MN1: variants seen among roughly 807,000 people sequenced by gnomAD.
MN1 encodes MN1 proto-oncogene, transcriptional regulator.
Under a neutral mutation model 86.9 loss-of-function variants are expected in MN1, and 19 were observed. The observed-to-expected ratio is 0.22, with a 90% CI of 0.15 to 0.32. MN1 has a LOEUF of 0.32. MN1 is among the 10% of genes least tolerant of loss of function. The probability of loss-of-function intolerance (pLI) is 1.00; values close to 1 mark genes in which losing one functional copy is unlikely to be tolerated. For synonymous variants in MN1, 928 were observed against 849.6 expected (o/e 1.09, Z -1.60); for missense variants, 1,841 against 1,862.0 (o/e 0.99, Z 0.21).
At chr22:27,770,765 C>A (rs1348295486) in intron 1 of MN1, among the ~76,000 whole-genome samples, 2 of 150,406 alleles carry the variant, frequency 1.3e-5, no homozygotes, top group East Asian at 4.0e-4. Context: ...CCCAAGCAAT[C>A]CCCCACCTCA....
chr22:27,754,228 G>A (rs1035639597), intron 1 of MN1, among the ~76,000 whole-genome samples: 2 of 152,174 alleles, frequency 1.3e-5, no homozygotes, highest in South Asian at 4.1e-4. Flanking sequence ...TTCGAAAGAC[G>A]CTTTCATCCC....
At chr22:27,796,294 A>G (rs1191621209) in intron 1 of MN1, among the ~76,000 whole-genome samples, 2 of 152,144 alleles carry the variant, frequency 1.3e-5, no homozygotes, top group African/African-American at 2.4e-5. Context: ...AACTAGCGCT[A>G]GAGGCTGACT....
chr22:27,800,899 A>G lies in MN1; in HGVS notation c.-356T>C. ...GGAGACAAAAAGTTAAGTGGGGGGA[A>G]TGGGGAGGGAAGGGGGTTGGGAGAG... On this transcript the variant is annotated 5_prime_UTR_variant, in exon 1 of 2. Coordinates refer to ENST00000302326, the MANE Select transcript of MN1 (RefSeq NM_002430.3). 4 of 330,528 alleles carry G rather than the reference A, an allele frequency of 1.2e-5. No individual in the cohort carries two copies. Among genetic ancestry groups the G allele is most frequent in the Admixed American group, 4.7e-5 (1 of 21,486 alleles). 20.5% of individuals were successfully genotyped at this position (330,528 alleles called of 1,614,324 possible). A position where few individuals can be genotyped will look rare whatever the true frequency, so the allele number is the denominator to read the frequency against.
Position 27,800,847 on chromosome 22 carries a change from G to T in MN1, c.-304C>A, listed in dbSNP as rs1933424551. 2.0e-6 allele frequency: 1 copy of T among 503,406 alleles called. No homozygotes were observed. The highest frequency in any genetic ancestry group is 2.0e-5 in the African/African-American group (1 of 51,096). 31.2% of individuals were successfully genotyped at this position (503,406 alleles called of 1,614,324 possible). ...TTGTCACAGCCGCGGGTGGGTCTGC[G>T]GGGAGGGGACGAAGCCGCGGATGAA... On this transcript the variant is annotated 5_prime_UTR_variant, in exon 1 of 2. Coordinates refer to ENST00000302326, the MANE Select transcript of MN1 (RefSeq NM_002430.3).
At position 27,780,842 on chromosome 22, in the gene MN1, G is replaced by A. The variant is rs138487164; in HGVS notation, c.3781+15921C>T. Among the ~76,000 whole-genome samples the A allele has an allele frequency of 5.8e-4, 88 of 152,304 alleles. No homozygotes were observed. The East Asian group carries it at 8.3e-3, about 14-fold the overall frequency. On this transcript the variant is annotated intron_variant, in intron 1 of 1. Transcript: ENST00000302326. ...GCATCCCACCACTTAGAACAGCATC[G>A]CCATGTGGTTAAGTGCTTGGGAGTG...
intron 1 of MN1, among the ~76,000 whole-genome samples, chr22:27,762,192 C>T (rs2146297005): frequency 6.6e-6 from 1 of 152,336 alleles, no homozygotes; most frequent in African/African-American, 2.4e-5. Context: ...TAAGATGTGA[C>T]AGGCCCCGGG....
At chr22:27,756,110 G>C (rs1038755269) in intron 1 of MN1, among the ~76,000 whole-genome samples, 3 of 152,214 alleles carry the variant, frequency 2.0e-5, no homozygotes, top group Admixed American at 1.3e-4. Context: ...GGTGACAGTG[G>C]GGACCTGCAG....
At chr22:27,796,171 G>C (rs1251753938) in intron 1 of MN1, among the ~76,000 whole-genome samples, 2 of 152,166 alleles carry the variant, frequency 1.3e-5, no homozygotes, top group Non-Finnish European at 2.9e-5. Flanking sequence ...GTTAAGAAGA[G>C]ACAAAATAGC....
chr22:27,779,075 G>A (rs1396254641), intron 1 of MN1, among the ~76,000 whole-genome samples: 1 of 152,158 alleles, frequency 6.6e-6, no homozygotes, highest in Admixed American at 6.5e-5. Flanking sequence ...CGGTCCCTCT[G>A]CAGGAAATCC....
At chr22:27,778,181 C>T (rs919552702) in intron 1 of MN1, among the ~76,000 whole-genome samples, 10 of 152,196 alleles carry the variant, frequency 6.6e-5, no homozygotes, top group African/African-American at 2.4e-4. Flanking sequence ...CCTACACAAA[C>T]AGGGAATCTA....
intron 1 of MN1, among the ~76,000 whole-genome samples, chr22:27,785,056 CCACACACACA>C (rs57257445): frequency 5.2e-4 from 75 of 144,914 alleles, no homozygotes; most frequent in Non-Finnish European, 8.1e-4. Flanking sequence ...CTGGCATCCG[CCACACACACA>C]CACACACACA....
At position 27,798,368 on chromosome 22, in the gene MN1, A is replaced by C. The variant is rs1326310235; in HGVS notation, c.2176T>G (p.Ser726Ala). 13 of 1,501,700 alleles carry C rather than the reference A, an allele frequency of 8.7e-6. No individual in the cohort carries two copies. Among genetic ancestry groups the C allele is most frequent in the Non-Finnish European group, 1.1e-5 (12 of 1,135,044 alleles). The allele number at this position is 1,501,700 out of a possible 1,614,324, so 93.0% of individuals were successfully genotyped here. A position where few individuals can be genotyped will look rare whatever the true frequency, so the allele number is the denominator to read the frequency against. Reference sequence around the variant, plus strand: ...TCCGGCGGCGGGGGCCGGCGCTCCGAAGCAGCGCTGGGGAGCCCCACGCCC... The same window carrying C: ...TCCGGCGGCGGGGGCCGGCGCTCCGCAGCAGCGCTGGGGAGCCCCACGCCC... The part of the protein sequence containing the change: ...GAGVGLPSAA[S>A]ERRPPPPDFA... The change falls in exon 1 of 2, where the codon TCG (serine) becomes GCG (alanine). Residue 726 changes from serine (S) to alanine (A), a missense_variant. By Grantham distance (99) the Ser-to-Ala change is moderately conservative. Transcript: ENST00000302326.
Position 27,748,375 on chromosome 22 carries a change from T to A in MN1, c.*2540A>T, listed in dbSNP as rs1041392772. The A allele has an allele frequency of 5.5e-6, 1 of 180,654 alleles. No homozygotes were observed. Among genetic ancestry groups the A allele is most frequent in the African/African-American group, 2.4e-5 (1 of 42,146 alleles). 11.2% of individuals were successfully genotyped at this position (180,654 alleles called of 1,614,324 possible). On this transcript the variant is annotated 3_prime_UTR_variant, in exon 2 of 2. Transcript: ENST00000302326. ...ATACAGAAGACTGCACTTTACATAT[T>A]TTTTTAAAAAAGAAAGAAAAAAATA...
At chr22:27,769,467 T>G (rs1932896236) in intron 1 of MN1, among the ~76,000 whole-genome samples, 2 of 151,186 alleles carry the variant, frequency 1.3e-5, no homozygotes, top group Admixed American at 1.3e-4. Context: ...AAATTCGCAA[T>G]CCTCAGAAAT....
chr22:27,756,256 G>A (rs924049829), intron 1 of MN1, among the ~76,000 whole-genome samples: 6 of 152,220 alleles, frequency 3.9e-5, no homozygotes, highest in Non-Finnish European at 7.3e-5. Context: ...CACCCATAGA[G>A]GGGGCCGAGT....
chr22:27,781,697 C>T (rs889588897), intron 1 of MN1, among the ~76,000 whole-genome samples: 1 of 152,156 alleles, frequency 6.6e-6, no homozygotes, highest in Admixed American at 6.5e-5. Context: ...AGAATTATAC[C>T]TATGTAACAG....
intron 1 of MN1, among the ~76,000 whole-genome samples, chr22:27,772,660 C>T (rs950845793): frequency 7.9e-5 from 12 of 152,166 alleles, no homozygotes; most frequent in Admixed American, 2.0e-4. Flanking sequence ...TGCTAGGCTA[C>T]TTCCTAGCTC....
chr22:27,790,407 G>A (rs1022203077), intron 1 of MN1, among the ~76,000 whole-genome samples: 1 of 152,164 alleles, frequency 6.6e-6, no homozygotes, highest in Non-Finnish European at 1.5e-5. Flanking sequence ...CCACCTTCGT[G>A]CGGGGTGACC....
intron 1 of MN1, among the ~76,000 whole-genome samples, chr22:27,794,378 C>T (rs185221038): frequency 1.4e-3 from 216 of 152,324 alleles, no homozygotes; most frequent in Non-Finnish European, 2.1e-3. Flanking sequence ...GCTGCTTTAT[C>T]GAGGAAACTG....
Sources: allele counts gnomAD v4.1 joint callset (sites outside exome capture counted in the v4.1 genomes callset), GRCh38; gene constraint gnomAD v4.1.1; transcripts MANE v1.5; gene names NCBI Gene and HGNC (gene_info 2026-07-23, HGNC 2026-07-21).